SPTLC3: variants seen among roughly 807,000 people sequenced by gnomAD.
The protein encoded by SPTLC3 is serine palmitoyltransferase long chain base subunit 3.
In SPTLC3, 36 loss-of-function variants were observed where a neutral mutation model predicts 59.3. The ratio of observed to expected loss-of-function variants is 0.61; its 90% CI spans 0.47 to 0.80. The LOEUF (loss-of-function observed/expected upper bound fraction) is 0.80. SPTLC3 is among the 30% of genes least tolerant of loss of function. SPTLC3 has a pLI of 0.00. For synonymous variants in SPTLC3, 257 were observed against 240.8 expected (o/e 1.07, Z -0.62); for missense variants, 625 against 685.1 (o/e 0.91, Z 0.98).
intron 3 of SPTLC3, chr20:13,074,094 CT>C: frequency 7.5e-6 from 5 of 667,352 alleles, no homozygotes; most frequent in Middle Eastern, 3.0e-4. Flanking sequence ...GCTGTTCATC[CT>C]TTTCCAGCTT....
At chr20:13,104,892 G>A (rs191363928) in intron 6 of SPTLC3, among the ~76,000 whole-genome samples, 310 of 151,894 alleles carry the variant, frequency 2.0e-3, no homozygotes, top group Middle Eastern at 0.014. Context: ...AAAACTTCTG[G>A]CATTGTTTTT....
At chr20:13,065,504 A>C (rs1420635969) in intron 2 of SPTLC3, among the ~76,000 whole-genome samples, 1 of 151,900 alleles carries the variant, frequency 6.6e-6, no homozygotes, top group East Asian at 1.9e-4. Flanking sequence ...AATACAAAAA[A>C]AGTTGTATTT....
intron 9 of SPTLC3, among the ~76,000 whole-genome samples, chr20:13,139,854 A>G (rs1012385508): frequency 6.6e-6 from 1 of 152,236 alleles, no homozygotes; most frequent in Non-Finnish European, 1.5e-5. Flanking sequence ...TAAGAACAAA[A>G]GAAAAATAAA....
intron 8 of SPTLC3, among the ~76,000 whole-genome samples, chr20:13,118,611 CTCAGACAAACCTACACCTG>C (rs1990726277): frequency 6.6e-6 from 1 of 152,188 alleles, no homozygotes; most frequent in African/African-American, 2.4e-5. Flanking sequence ...TGACACCTAT[CTCAGACAAACCTACACCTG>C]TCCCAAAGAG....
intron 1 of SPTLC3, among the ~76,000 whole-genome samples, chr20:13,022,641 C>T (rs1985945936): frequency 1.3e-5 from 2 of 152,042 alleles, no homozygotes; most frequent in Admixed American, 6.6e-5. Flanking sequence ...TGAACTGGAT[C>T]GATGCAGCCA....
intron 1 of SPTLC3, among the ~76,000 whole-genome samples, chr20:13,029,057 A>G (rs1986298030): frequency 6.6e-6 from 1 of 152,182 alleles, no homozygotes; most frequent in African/African-American, 2.4e-5. Flanking sequence ...CCTTGACAGT[A>G]ACACTATTTG....
At chr20:13,061,814 C>A (rs577748171) in intron 2 of SPTLC3, among the ~76,000 whole-genome samples, 2 of 152,150 alleles carry the variant, frequency 1.3e-5, no homozygotes, top group Non-Finnish European at 2.9e-5. Context: ...CTGCTTCCAC[C>A]CTTGAACCCA....
chr20:13,112,143 T>C (rs1236346203), intron 7 of SPTLC3, among the ~76,000 whole-genome samples: 4 of 152,210 alleles, frequency 2.6e-5, no homozygotes, highest in Non-Finnish European at 4.4e-5. Flanking sequence ...TACCGTGGGT[T>C]GTGTGGACCA....
chr20:13,151,776 G>A (rs187116147), intron 9 of SPTLC3, among the ~76,000 whole-genome samples: 2 of 152,296 alleles, frequency 1.3e-5, no homozygotes, highest in East Asian at 1.9e-4. Context: ...AATGTTAGAT[G>A]TCTGGGTAAA....
chr20:13,067,684 A>G (rs1263464560), intron 2 of SPTLC3, among the ~76,000 whole-genome samples: 1 of 152,210 alleles, frequency 6.6e-6, no homozygotes, highest in Non-Finnish European at 1.5e-5. Flanking sequence ...ATTTAAATTT[A>G]GCCATCTTTA....
At chr20:13,117,781 G>A (rs1990649329) in intron 8 of SPTLC3, 56 bp downstream of exon 8, 2 of 1,458,068 alleles carry the variant, frequency 1.4e-6, no homozygotes, top group African/African-American at 2.8e-5. Context: ...GGGATGCCGT[G>A]TGTAGGGCTT....
chr20:13,121,969 C>A (rs971126166), intron 8 of SPTLC3, among the ~76,000 whole-genome samples: 9 of 152,176 alleles, frequency 5.9e-5, no homozygotes, highest in Non-Finnish European at 1.2e-4. Context: ...TTGGGAAGAG[C>A]CCTTTTCAAG....
At chr20:13,112,289 C>G (rs965922111) in intron 7 of SPTLC3, among the ~76,000 whole-genome samples, 1 of 152,218 alleles carries the variant, frequency 6.6e-6, no homozygotes, top group Non-Finnish European at 1.5e-5. Context: ...GGTACTGGCT[C>G]TCACCTGGAG....
At position 13,159,983 on chromosome 20, in the gene SPTLC3, T is replaced by C. The variant is rs1196452015; in HGVS notation, c.1416-20T>C. 1 of 1,525,778 alleles carries C rather than the reference T, an allele frequency of 6.6e-7. No homozygotes were observed. Among genetic ancestry groups the C allele is most frequent in the Non-Finnish European group, 8.8e-7 (1 of 1,130,170 alleles). 94.5% of individuals were successfully genotyped at this position (1,525,778 alleles called of 1,614,324 possible). ...CCCAACTAACCACTTTTTTTTTTTCTTTTTTTGCTTTTCCTTAAGGGCTTT... is the reference window on the plus strand; with the variant it reads ...CCCAACTAACCACTTTTTTTTTTTCCTTTTTTGCTTTTCCTTAAGGGCTTT... On this transcript the variant is annotated intron_variant, in intron 10 of 11. Transcript: ENST00000399002.
intron 1 of SPTLC3, among the ~76,000 whole-genome samples, chr20:13,024,208 C>T (rs1198299645): frequency 1.3e-5 from 2 of 152,114 alleles, no homozygotes; most frequent in Non-Finnish European, 2.9e-5. Flanking sequence ...TGAGATAAAA[C>T]ATATAGTTAG....
intron 11 of SPTLC3, among the ~76,000 whole-genome samples, chr20:13,161,802 G>A (rs1053579926): frequency 5.9e-5 from 9 of 152,158 alleles, no homozygotes; most frequent in African/African-American, 2.2e-4. Context: ...ACTTGAGTTT[G>A]AAATTATACA....
intron 4 of SPTLC3, among the ~76,000 whole-genome samples, chr20:13,076,969 C>A (rs961594250): frequency 6.6e-6 from 1 of 152,126 alleles, no homozygotes; most frequent in Admixed American, 6.6e-5. Context: ...CCAGACACAT[C>A]TGTACAGAAG....
intron 1 of SPTLC3, among the ~76,000 whole-genome samples, chr20:13,021,259 G>A (rs1427124713): frequency 6.6e-6 from 1 of 152,034 alleles, no homozygotes; most frequent in Non-Finnish European, 1.5e-5. Flanking sequence ...TTTAAACAAT[G>A]GAATGACCCA....
chr20:13,117,460 C>A, intron 7 of SPTLC3, 46 bp from the exon 8 acceptor site: 2 of 1,513,280 alleles, frequency 1.3e-6, no homozygotes, highest in Non-Finnish European at 1.8e-6. Context: ...ACAGAGCTTC[C>A]CAGGAGGGTA....
Sources: gnomAD v4.1 joint callset for allele counts (sites outside exome capture counted in the v4.1 genomes callset) on GRCh38, gnomAD v4.1.1 for gene constraint, MANE v1.5 for transcripts, NCBI Gene and HGNC (gene_info 2026-07-23, HGNC 2026-07-21) for gene names.